The following TACC2 variants were observed in gnomAD, a reference collection of about 807,000 sequenced individuals.
TACC2 encodes the protein transforming acidic coiled-coil-containing protein 2.
Under a neutral mutation model 227.3 loss-of-function variants are expected in TACC2, and 137 were observed. That is an observed-to-expected ratio of 0.60 (90% CI 0.52 to 0.69). The LOEUF is 0.69. TACC2 is among the 30% of genes least tolerant of loss of function. The probability of loss-of-function intolerance (pLI) is 0.00; values close to 1 mark genes in which losing one functional copy is unlikely to be tolerated. For missense variants in TACC2, 3,470 were observed against 3,694.4 expected (o/e 0.94, Z 1.57); for synonymous variants, 1,523 against 1,487.5 (o/e 1.02, Z -0.55).
intron 7 of TACC2, among the ~76,000 whole-genome samples, chr10:122,159,183 C>A (rs942621783): frequency 6.6e-6 from 1 of 152,220 alleles, no homozygotes; most frequent in Admixed American, 6.5e-5. Flanking sequence ...AGCAGTGAGG[C>A]CACGGTGAGG....
intron 6 of TACC2, 128 bp downstream of exon 6, chr10:122,132,862 A>C: frequency 1.1e-6 from 1 of 924,816 alleles, no homozygotes; most frequent in Non-Finnish European, 1.6e-6. Context: ...CTCTGCACAC[A>C]CACACAGGGT....
Position 122,020,334 on chromosome 10 carries a change from G to C in TACC2, c.-45-1603G>C, listed in dbSNP as rs567228021. ...TGATTGTGTGTGTGTGTGTGTGTGT[G>C]TGTGTCTACAGCAAAAGGCAAGAAA... On this transcript the variant is annotated intron_variant, in intron 1 of 22. Coordinates refer to ENST00000369005, the MANE Select transcript of TACC2 (RefSeq NM_206862.4). 2.4e-3 allele frequency among the ~76,000 whole-genome samples: 367 copies of C among 152,134 alleles called. 2 individuals carry two copies. Among genetic ancestry groups the C allele is most frequent in the African/African-American group, 8.5e-3 (353 of 41,496 alleles).
intron 7 of TACC2, chr10:122,163,281 A>AC (rs1215231976): frequency 1.3e-5 from 2 of 149,100 alleles, no homozygotes; most frequent in Admixed American, 1.3e-4. Flanking sequence ...GCCGGGAGAG[A>AC]CCATTTCCTC....
chr10:122,117,910 C>T (rs2085002154), intron 5 of TACC2, among the ~76,000 whole-genome samples: 2 of 152,180 alleles, frequency 1.3e-5, no homozygotes, highest in Non-Finnish European at 2.9e-5. Context: ...ATACCCAGGA[C>T]ACCCCTCCCT....
At chr10:122,105,058 G>A (rs993547841) in intron 5 of TACC2, among the ~76,000 whole-genome samples, 4 of 152,224 alleles carry the variant, frequency 2.6e-5, no homozygotes, top group Non-Finnish European at 4.4e-5. Context: ...TTAGTCTAGG[G>A]AAGTTCATGC....
At chr10:122,188,870 G>A (rs1189107205) in intron 7 of TACC2, among the ~76,000 whole-genome samples, 4 of 152,130 alleles carry the variant, frequency 2.6e-5, no homozygotes, top group Admixed American at 6.5e-5. Context: ...GATTTTTCGC[G>A]AGGCAGCCGT....
At chr10:122,235,849 T>C (rs1418226414) in intron 16 of TACC2, among the ~76,000 whole-genome samples, 1 of 152,004 alleles carries the variant, frequency 6.6e-6, no homozygotes, top group Non-Finnish European at 1.5e-5. Context: ...CATGAGCGAG[T>C]CTCTGGGGTC....
chr10:122,216,964 C>T (rs747305541), intron 11 of TACC2, 136 bp downstream of exon 11: 21 of 1,515,284 alleles, frequency 1.4e-5, no homozygotes, highest in East Asian at 4.8e-5. Context: ...GCACGTCTCC[C>T]GCTGCACTTG....
intron 5 of TACC2, among the ~76,000 whole-genome samples, chr10:122,089,278 T>C (rs2080450250): frequency 6.6e-6 from 1 of 152,060 alleles, no homozygotes. Flanking sequence ...CTAGATATCA[T>C]ACCCCAGCCC....
intron 5 of TACC2, among the ~76,000 whole-genome samples, chr10:122,121,221 G>T (rs529985265): frequency 6.6e-6 from 1 of 152,302 alleles, no homozygotes; most frequent in South Asian, 2.1e-4. Flanking sequence ...TTTGTGTTTG[G>T]GAAACAGTAC....
At chr10:122,199,270 G>T (rs534134631) in intron 8 of TACC2, among the ~76,000 whole-genome samples, 2 of 152,226 alleles carry the variant, frequency 1.3e-5, no homozygotes, top group Admixed American at 6.5e-5. Context: ...CAGTGTCCTC[G>T]CCAGGCACTC....
Position 122,205,017 on chromosome 10 carries a change from A to G in TACC2, c.5972-5380A>G, listed in dbSNP as rs542781595. On this transcript the variant is annotated intron_variant, in intron 8 of 22. Transcript: ENST00000369005. This position sits in a 1 kb window ranked among gnomAD's most constrained non-coding sequence, Gnocchi z 4.5. Reference sequence around the variant, plus strand: ...CCCTTAGGTGCTCCCCATCCTCACTATGGCTCTGTCACTTAGATGCTCACG... The same window carrying G: ...CCCTTAGGTGCTCCCCATCCTCACTGTGGCTCTGTCACTTAGATGCTCACG... Among the ~76,000 whole-genome samples the G allele has an allele frequency of 4.1e-4, 62 of 152,168 alleles. No individual in the cohort carries two copies. The highest frequency in any genetic ancestry group is 6.8e-3 in the Middle Eastern group (2 of 294).
At chr10:122,215,334 C>T in intron 9 of TACC2, 57 bp from the exon 10 acceptor site, 2 of 1,502,880 alleles carry the variant, frequency 1.3e-6, no homozygotes, top group East Asian at 2.3e-5. Context: ...CTCTGTACTG[C>T]TCTGGAGTGT....
At position 122,082,904 on chromosome 10, in the gene TACC2, C is replaced by G; in HGVS notation, c.404C>G (p.Thr135Ser). The G allele has an allele frequency of 3.1e-6, 5 of 1,613,282 alleles. No individual in the cohort carries two copies. Among genetic ancestry groups the G allele is most frequent in the African/African-American group, 1.3e-5 (1 of 75,048 alleles). ...GCGGCACCTGAAGATGGTCCTCAGACTCAGTCTCCCAGGAGGGAACCTGCC... is the reference window on the plus strand; with the variant it reads ...GCGGCACCTGAAGATGGTCCTCAGAGTCAGTCTCCCAGGAGGGAACCTGCC... ...PAAAPEDGPQ[T>S]QSPRREPAPN... Residue 135 changes from threonine to serine, a missense_variant, in exon 4 of 23, where the codon ACT becomes AGT. By Grantham distance (58) the Thr-to-Ser change is moderately conservative (BLOSUM62 1). Transcript: ENST00000369005.
At chr10:122,131,840 G>C (rs1184555215) in intron 5 of TACC2, among the ~76,000 whole-genome samples, 5 of 151,692 alleles carry the variant, frequency 3.3e-5, no homozygotes, top group African/African-American at 1.2e-4. Context: ...TGGCCAACAT[G>C]ATGAAACCCC....
intron 2 of TACC2, among the ~76,000 whole-genome samples, chr10:122,024,291 G>A (rs1459213674): frequency 2.0e-5 from 3 of 152,118 alleles, no homozygotes; most frequent in African/African-American, 4.8e-5. Flanking sequence ...GCTTAAGCCT[G>A]GGAGGTCAAG....
rs775402055 is a variant in TACC2 at position 122,083,203 on chromosome 10, C to A, written c.703C>A (p.Pro235Thr). 3.1e-6 allele frequency: 5 copies of A among 1,613,438 alleles called. No individual in the cohort carries two copies. The East Asian group carries it at 1.1e-4, about 36-fold the overall frequency. The change falls in exon 4 of 23, where the codon CCC becomes ACC. Residue 235 changes from proline (P) to threonine (T), a missense_variant. This residue lies in a region of TACC2 where 405 missense variants were observed against 389.6 expected (regional missense o/e 1.04). Transcript: ENST00000369005. Reference protein sequence around the residue: ...SQEKEAAGGFPPAESRQGVAS... With the variant: ...SQEKEAAGGFTPAESRQGVAS... The stretch of plus-strand genomic sequence containing the variant: ...AGAGAAAGAGGCTGCAGGTGGCTTT[C>A]CCCCTGCAGAGTCCAGGCAGGGGGT...
intron 19 of TACC2, 162 bp from the exon 20 acceptor site, chr10:122,248,481 A>T: frequency 1.3e-6 from 1 of 782,532 alleles, no homozygotes; most frequent in South Asian, 1.7e-5. Flanking sequence ...TGTTAGAGAC[A>T]GTCTGGGAGG....
chr10:122,203,868 A>G (rs1347960602), intron 8 of TACC2, among the ~76,000 whole-genome samples: 2 of 151,982 alleles, frequency 1.3e-5, no homozygotes. Context: ...CCTTGGCACC[A>G]TTGAGCACTG....
Sources: allele counts gnomAD v4.1 joint callset (sites outside exome capture counted in the v4.1 genomes callset), GRCh38; gene constraint gnomAD v4.1.1; regional missense constraint gnomAD v4.1.1; non-coding constraint Gnocchi (gnomAD v3.1); transcripts MANE v1.5; gene names NCBI Gene and HGNC (gene_info 2026-07-23, HGNC 2026-07-21).